MFSD1: variants seen among roughly 807,000 people sequenced by gnomAD.
MFSD1 encodes the protein lysosomal dipeptide transporter MFSD1.
MFSD1 carries 59 observed loss-of-function variants against 67.1 expected under a neutral mutation model. The observed-to-expected ratio is 0.88, with a 90% confidence interval of 0.71 to 1.09. The LOEUF is 1.09. Among genes scored for constraint, MFSD1 ranks in the 50% least tolerant of loss-of-function variants. MFSD1 has a pLI of 0.00. For missense variants in MFSD1, 552 were observed against 566.1 expected (o/e 0.97, Z 0.25); for synonymous variants, 213 against 200.3 (o/e 1.06, Z -0.54).
chr3:158,807,880 A>G (rs546807956), intron 5 of MFSD1, among the ~76,000 whole-genome samples: 4 of 152,324 alleles, frequency 2.6e-5, no homozygotes, highest in Admixed American at 2.6e-4. Context: ...AATGAGCACA[A>G]TATGTGTAAG....
In MFSD1 at chr3:158,807,398, T is replaced by G. The variant is rs141038171; in HGVS notation, c.375T>G (p.Val125=). The G allele has an allele frequency of 3.1e-6, 5 of 1,612,106 alleles. No individual in the cohort carries two copies. The African/African-American group carries it at 6.7e-5, about 22-fold the overall frequency. Residue 125 remains valine, a splice_region_variant and synonymous_variant, in exon 5 of 16, where the codon GTT becomes GTG. Transcript: ENST00000415822. ...TGACATGAACTTCTACATTATAGGT[T>G]GTTTTTGCCCTGGGTGGAATATTTA... The part of the protein sequence containing the change: ...IFSCFVCIGQ[V]VFALGGIFNA...
intron 3 of MFSD1, among the ~76,000 whole-genome samples, chr3:158,806,562 T>TATAA (rs1375797786): frequency 1.3e-5 from 2 of 152,348 alleles, no homozygotes; most frequent in African/African-American, 4.8e-5. Context: ...GTTAGATTTG[T>TATAA]ATAACATGGT....
intron 1 of MFSD1, 72 bp downstream of exon 1, chr3:158,802,387 C>T: frequency 2.6e-6 from 4 of 1,564,874 alleles, no homozygotes; most frequent in Non-Finnish European, 3.5e-6. Flanking sequence ...AGATCGTCAT[C>T]GTGGTCACTG....
chr3:158,817,510 G>A (rs1396274855), intron 7 of MFSD1, among the ~76,000 whole-genome samples: 1 of 152,124 alleles, frequency 6.6e-6, no homozygotes, highest in Non-Finnish European at 1.5e-5. Flanking sequence ...TTGCTTCAAA[G>A]AGAATAAAAT....
Position 158,807,100 on chromosome 3 carries a change from A to C in MFSD1, c.372+18A>C. ...TTGGACAGGTAAGGAAGGCCAAAAC[A>C]TTCATTGATTATTGACAGTGACTTC... On this transcript the variant is annotated intron_variant, in intron 4 of 15. Transcript: ENST00000415822. 6.2e-7 allele frequency: 1 copy of C among 1,602,656 alleles called. No individual in the cohort carries two copies.
At chr3:158,826,086 C>T in intron 14 of MFSD1, 24 bp downstream of exon 14, 1 of 1,604,522 alleles carries the variant, frequency 6.2e-7, no homozygotes, top group Non-Finnish European at 8.5e-7. Flanking sequence ...CTGATATTTG[C>T]TTCTTAAACC....
intron 15 of MFSD1, among the ~76,000 whole-genome samples, chr3:158,827,963 A>G (rs1662254645): frequency 7.0e-6 from 1 of 143,246 alleles, no homozygotes; most frequent in Non-Finnish European, 1.5e-5. Context: ...AGAGAGAGAG[A>G]GAGAGAGAGA....
At chr3:158,816,335 T>A (rs1367205515) in intron 7 of MFSD1, among the ~76,000 whole-genome samples, 1 of 152,230 alleles carries the variant, frequency 6.6e-6, no homozygotes, top group Non-Finnish European at 1.5e-5. Flanking sequence ...GACTTTTTAA[T>A]GATCGCCATT....
In MFSD1 at chr3:158,802,235, G is replaced by C. The variant is rs1164119216; in HGVS notation, c.83G>C (p.Gly28Ala). ...EADRGAPAAP[G>A]ALPALCDPSR... ...GACAGAGGTGCCCCGGCCGCCCCTG[G>C]AGCCCTGCCGGCCCTCTGCGACCCC... Residue 28 changes from glycine (G) to alanine (A), a missense_variant, in exon 1 of 16, where the codon GGA (glycine) becomes GCA (alanine). Coordinates refer to ENST00000415822, the MANE Select transcript of MFSD1 (RefSeq NM_022736.4). The C allele has an allele frequency of 1.2e-5, 20 of 1,611,198 alleles. No individual in the cohort carries two copies. In the Admixed American group the frequency reaches 3.0e-4, roughly 24 times the overall value.
At chr3:158,820,161 A>C (rs1730598913) in intron 8 of MFSD1, 54 bp from the exon 9 acceptor site, 1 of 898,286 alleles carries the variant, frequency 1.1e-6, no homozygotes, top group Non-Finnish European at 1.8e-6. Flanking sequence ...TATAGATGAA[A>C]GCTCCTTAGG....
At chr3:158,819,854 A>G in intron 8 of MFSD1, 107 bp downstream of exon 8, 1 of 557,736 alleles carries the variant, frequency 1.8e-6, no homozygotes, top group South Asian at 3.1e-5. Context: ...GTGGAGCTTA[A>G]GACATGATTT....
chr3:158,802,440 G>A, intron 1 of MFSD1, 125 bp downstream of exon 1: 1 of 1,103,504 alleles, frequency 9.1e-7, no homozygotes, highest in Non-Finnish European at 1.4e-6. Flanking sequence ...AAGCTCCTGG[G>A]CCTCCTTATT....
chr3:158,821,943 G>T, intron 10 of MFSD1, 41 bp from the exon 11 acceptor site: 1 of 1,584,156 alleles, frequency 6.3e-7, no homozygotes, highest in Non-Finnish European at 8.7e-7. Flanking sequence ...ATGTTTGACT[G>T]TGTTGCATTT....
At chr3:158,821,897 G>C in intron 10 of MFSD1, 87 bp from the exon 11 acceptor site, 2 of 1,384,806 alleles carry the variant, frequency 1.4e-6, no homozygotes, top group Non-Finnish European at 2.0e-6. Context: ...GTTAGGATTT[G>C]CTTTGCCTGA....
chr3:158,809,623 A>T (rs1333197886), intron 6 of MFSD1, among the ~76,000 whole-genome samples: 2 of 152,116 alleles, frequency 1.3e-5, no homozygotes, highest in East Asian at 3.9e-4. Flanking sequence ...TTCAGTTTGC[A>T]ATATTTCCAG....
At chr3:158,823,034 G>A (rs1483397485) in intron 11 of MFSD1, 1 of 203,642 alleles carries the variant, frequency 4.9e-6, no homozygotes, top group Non-Finnish European at 1.0e-5. Context: ...ATGATGGACT[G>A]TTGGCATGAT....
intron 1 of MFSD1, chr3:158,802,718 T>A: frequency 2.6e-6 from 1 of 381,680 alleles, no homozygotes; most frequent in Non-Finnish European, 5.2e-6. Flanking sequence ...TGGTTTTAGG[T>A]GAGACAGGGG....
chr3:158,825,934 C>T, intron 13 of MFSD1, 81 bp from the exon 14 acceptor site: 2 of 1,089,768 alleles, frequency 1.8e-6, no homozygotes, highest in South Asian at 1.3e-5. Flanking sequence ...TGTGTCTAAG[C>T]TTTGCTTTGT....
At position 158,822,108 on chromosome 3, in the gene MFSD1, G is replaced by T; in HGVS notation, c.1045G>T (p.Ala349Ser). 6.2e-7 allele frequency: 1 copy of T among 1,613,642 alleles called. No individual in the cohort carries two copies. Among genetic ancestry groups the T allele is most frequent in the Non-Finnish European group, 8.5e-7 (1 of 1,179,642 alleles). ...CACTCTTGTGTCCCACATGATGCTG[G>T]CCTTTACGATGTGGAACCCTTGGAT... ...AATLVSHMML[A>S]FTMWNPWIAM... The change falls in exon 11 of 16, where the codon GCC (alanine) becomes TCC (serine). Residue 349 changes from alanine (A) to serine (S), a missense_variant. Physicochemically the swap from Ala to Ser is moderately conservative, Grantham distance 99. Coordinates refer to ENST00000415822, the MANE Select transcript of MFSD1 (RefSeq NM_022736.4).
Sources: allele counts gnomAD v4.1 joint callset (sites outside exome capture counted in the v4.1 genomes callset), GRCh38; gene constraint gnomAD v4.1.1; transcripts MANE v1.5; gene names NCBI Gene and HGNC (gene_info 2026-07-23, HGNC 2026-07-21).